The following SUMF1 variants were observed in gnomAD, a reference collection of about 807,000 sequenced individuals.
The protein encoded by SUMF1 is sulfatase modifying factor 1.
A neutral mutation model predicts 47.6 loss-of-function variants in SUMF1; 48 were observed. The ratio of observed to expected loss-of-function variants is 1.01; its 90% CI spans 0.80 to 1.28. The LOEUF is 1.28. Among genes scored for constraint, SUMF1 ranks in the 50% most tolerant of loss-of-function variants. The pLI, the probability that SUMF1 is intolerant of heterozygous loss-of-function variation, is 0.00. For missense variants in SUMF1, 571 were observed against 485.4 expected, an observed-to-expected ratio of 1.18 and a Z score of -1.66; for synonymous variants, 230 against 192.1, an observed-to-expected ratio of 1.20 and a Z score of -1.63.
intron 3 of SUMF1, among the ~76,000 whole-genome samples, chr3:4,433,300 C>A (rs140519361): frequency 7.9e-4 from 121 of 152,274 alleles, no homozygotes; most frequent in African/African-American, 2.6e-3. Context: ...AAATCTGCAC[C>A]TCTGGGACCC....
At chr3:4,136,626 C>G (rs1359391750) in intron 8 of SUMF1, among the ~76,000 whole-genome samples, 4 of 151,732 alleles carry the variant, frequency 2.6e-5, no homozygotes, top group Non-Finnish European at 5.9e-5. Flanking sequence ...CAAATGGGAT[C>G]TAATTAAACT....
intron 8 of SUMF1, among the ~76,000 whole-genome samples, chr3:4,158,697 C>A (rs1015310272): frequency 6.6e-6 from 1 of 151,482 alleles, no homozygotes; most frequent in African/African-American, 2.4e-5. Flanking sequence ...ATTGTTATAT[C>A]CTCTTGCTGA....
intron 3 of SUMF1, among the ~76,000 whole-genome samples, chr3:4,427,965 C>G (rs377571649): frequency 9.9e-5 from 15 of 152,088 alleles, no homozygotes; most frequent in African/African-American, 3.6e-4. Flanking sequence ...AAAAAATTAA[C>G]AAAAATGAGA....
At chr3:4,383,939 A>C (rs1700588458) in intron 7 of SUMF1, among the ~76,000 whole-genome samples, 1 of 152,264 alleles carries the variant, frequency 6.6e-6, no homozygotes, top group African/African-American at 2.4e-5. Context: ...AACAAACAAA[A>C]TGCATAGTAT....
intron 8 of SUMF1, among the ~76,000 whole-genome samples, chr3:4,366,508 C>T (rs938668840): frequency 4.6e-5 from 7 of 150,832 alleles, no homozygotes; most frequent in East Asian, 1.9e-4. Context: ...TTGATTGCAT[C>T]GACTCCTGAG....
At chr3:4,255,593 A>G (rs28817936) in intron 8 of SUMF1, among the ~76,000 whole-genome samples, 6,503 of 69,386 alleles carry the variant, frequency 0.094, 282 homozygotes, top group Middle Eastern at 0.14. Flanking sequence ...CACCCAACAC[A>G]GGAGCACCCA....
chr3:4,239,631 A>G (rs1176500606), intron 8 of SUMF1, among the ~76,000 whole-genome samples: 1 of 152,116 alleles, frequency 6.6e-6, no homozygotes, highest in Non-Finnish European at 1.5e-5. Flanking sequence ...GTATCCTGAG[A>G]CTTTGCTGAA....
At chr3:4,199,055 A>T (rs1695488689) in intron 8 of SUMF1, among the ~76,000 whole-genome samples, 1 of 151,700 alleles carries the variant, frequency 6.6e-6, no homozygotes, top group South Asian at 2.1e-4. Context: ...AGATCAAATG[A>T]GTTTAGGTAA....
chr3:4,178,036 G>A (rs2125130772), intron 8 of SUMF1, among the ~76,000 whole-genome samples: 1 of 152,224 alleles, frequency 6.6e-6, no homozygotes, highest in South Asian at 2.1e-4. Context: ...CTCTGAAATT[G>A]AGGGAATAGT....
At chr3:4,303,735 T>C in intron 8 of SUMF1, 1 of 1,493,900 alleles carries the variant, frequency 6.7e-7, no homozygotes, top group South Asian at 1.2e-5. Flanking sequence ...TGTTGTCCTT[T>C]TCAGTCCATT....
At chr3:4,218,888 G>A (rs573947635) in intron 8 of SUMF1, among the ~76,000 whole-genome samples, 2 of 152,200 alleles carry the variant, frequency 1.3e-5, no homozygotes, top group African/African-American at 4.8e-5. Context: ...AGCATGTGTG[G>A]GTTTTTCTTA....
intron 8 of SUMF1, among the ~76,000 whole-genome samples, chr3:4,116,753 A>G (rs1470452291): frequency 6.6e-6 from 1 of 152,096 alleles, no homozygotes; most frequent in Non-Finnish European, 1.5e-5. Flanking sequence ...CGTGCTGAAA[A>G]TAAGTACTAA....
At chr3:4,234,137 C>G (rs1428128074) in intron 8 of SUMF1, among the ~76,000 whole-genome samples, 3 of 152,044 alleles carry the variant, frequency 2.0e-5, no homozygotes, top group Non-Finnish European at 4.4e-5. Flanking sequence ...TACAGATAGT[C>G]AAAAGAACTG....
At chr3:4,390,641 G>A (rs957362448) in intron 7 of SUMF1, among the ~76,000 whole-genome samples, 2 of 152,156 alleles carry the variant, frequency 1.3e-5, no homozygotes, top group Non-Finnish European at 2.9e-5. Flanking sequence ...GGAGTACAGT[G>A]GCACGATCTT....
intron 8 of SUMF1, among the ~76,000 whole-genome samples, chr3:4,151,514 T>C (rs1673868913): frequency 6.9e-6 from 1 of 144,292 alleles, no homozygotes; most frequent in Non-Finnish European, 1.5e-5. Context: ...TGTATATGTA[T>C]ACGTATATAT....
intron 8 of SUMF1, among the ~76,000 whole-genome samples, chr3:4,076,908 G>A (rs1161944936): frequency 6.6e-6 from 1 of 152,078 alleles, no homozygotes; most frequent in Non-Finnish European, 1.5e-5. Context: ...GGAGGCTGAG[G>A]CAGGAGAATG....
At chr3:4,228,333 C>T (rs1461711039) in intron 8 of SUMF1, among the ~76,000 whole-genome samples, 1 of 152,014 alleles carries the variant, frequency 6.6e-6, no homozygotes, top group Admixed American at 6.6e-5. Context: ...TTTGTATATA[C>T]ACATCTCTTG....
intron 8 of SUMF1, among the ~76,000 whole-genome samples, chr3:4,225,063 T>A (rs965394440): frequency 6.6e-6 from 1 of 152,072 alleles, no homozygotes; most frequent in African/African-American, 2.4e-5. Context: ...GAAGTGGCCA[T>A]GTACCAAATT....
chr3:4,250,212 AGAAAG>A, intron 8 of SUMF1, among the ~76,000 whole-genome samples: 1 of 149,146 alleles, frequency 6.7e-6, no homozygotes, highest in Middle Eastern at 3.4e-3. Flanking sequence ...GGGAGAGAAA[AGAAAG>A]GAAAGAAAGA....
Sources: gnomAD v4.1 joint callset for allele counts (sites outside exome capture counted in the v4.1 genomes callset) on GRCh38, gnomAD v4.1.1 for gene constraint, MANE v1.5 for transcripts, NCBI Gene and HGNC (gene_info 2026-07-23, HGNC 2026-07-21) for gene names.